Variants in GNS observed in about 807,000 individuals in gnomAD.
GNS encodes N-acetylglucosamine-6-sulfatase.
A neutral mutation model predicts 69.7 loss-of-function variants in GNS; 40 were observed. The observed-to-expected ratio is 0.57, with a 90% CI of 0.45 to 0.75. The LOEUF (loss-of-function observed/expected upper bound fraction) is 0.75. GNS is among the 30% of genes least tolerant of loss of function. The probability of loss-of-function intolerance (pLI) is 0.00; values close to 1 mark genes in which losing one functional copy is unlikely to be tolerated. For synonymous variants in GNS, 243 were observed against 251.6 expected (o/e 0.97, Z 0.32); for missense variants, 565 against 685.5 (o/e 0.82, Z 1.96).
At position 64,757,217 on chromosome 12, in the gene GNS, AACATACTAAAGAG is replaced by A. The variant is rs1202934742; in HGVS notation, c.192+1855_192+1867del. Among the ~76,000 whole-genome samples, 11 of 152,314 alleles carry A rather than the reference AACATACTAAAGAG, an allele frequency of 7.2e-5. No individual in the cohort carries two copies. In the South Asian group the frequency reaches 2.1e-3, roughly 29 times the overall value. On this transcript the variant is annotated intron_variant, in intron 1 of 13. Coordinates refer to ENST00000258145, the MANE Select transcript of GNS (RefSeq NM_002076.4). ...CTGGCTTAACGAAGCAAATTGGATTAACATACTAAAGAGACCTCAAATACACACAGACTACAGC... is the reference window on the plus strand; with the variant it reads ...CTGGCTTAACGAAGCAAATTGGATTAACCTCAAATACACACAGACTACAGC...
chr12:64,737,589 T>C (rs1264268251), intron 8 of GNS, among the ~76,000 whole-genome samples: 2 of 152,216 alleles, frequency 1.3e-5, no homozygotes, highest in Non-Finnish European at 2.9e-5. Flanking sequence ...AAAATCAATA[T>C]TTTGCAGTTT....
At chr12:64,758,976 G>T in intron 1 of GNS, 109 bp downstream of exon 1, 1 of 943,662 alleles carries the variant, frequency 1.1e-6, no homozygotes. Flanking sequence ...CCTACCCAAG[G>T]ATAAGACAGC....
intron 2 of GNS, among the ~76,000 whole-genome samples, chr12:64,749,145 T>C (rs531887117): frequency 6.6e-6 from 1 of 151,336 alleles, no homozygotes; most frequent in Non-Finnish European, 1.5e-5. Context: ...TTCACCGTGT[T>C]AGCCAGAATG....
At position 64,745,691 on chromosome 12, in the gene GNS, C is replaced by T. The variant is rs986213151; in HGVS notation, c.493G>A (p.Val165Ile). Residue 165 changes from valine to isoleucine, a missense_variant, in exon 4 of 14, where the codon GTT (valine) becomes ATT (isoleucine). Around this residue, in one of 2 missense-constraint regions of GNS, gnomAD observed 384 missense variants for 511.0 expected, o/e 0.75. Transcript: ENST00000258145. Reference protein sequence around the residue: ...GAPDAGGLEHVPLGWSYWYAL... With the variant: ...GAPDAGGLEHIPLGWSYWYAL... The stretch of plus-strand genomic sequence containing the variant: ...TACCAGTAACTCCAACCCAGAGGAA[C>T]GTGTTCTAGTCCACCTGCATCTGGG... 3 of 1,609,424 alleles carry T rather than the reference C, an allele frequency of 1.9e-6. No homozygotes were observed. The highest frequency in any genetic ancestry group is 2.2e-5 in the East Asian group (1 of 44,858).
At position 64,737,083 on chromosome 12, in the gene GNS, T is replaced by C; in HGVS notation, c.1019A>G (p.Lys340Arg). ...GATATCAAACTCATACAGCTGTCTCTTGTCTATTGGCAAGGAAAACTGTCC... is the reference window on the plus strand; with the variant it reads ...GATATCAAACTCATACAGCTGTCTCCTGTCTATTGGCAAGGAAAACTGTCC... ...HTGQFSLPID[K>R]RQLYEFDIKV... Residue 340 changes from lysine to arginine, a missense_variant, in exon 9 of 14, where the codon AAG becomes AGG. By Grantham distance (26) the Lys-to-Arg change is conservative. Coordinates refer to ENST00000258145, the MANE Select transcript of GNS (RefSeq NM_002076.4). 6.3e-7 allele frequency: 1 copy of C among 1,588,760 alleles called. No homozygotes were observed. Among genetic ancestry groups the C allele is most frequent in the Non-Finnish European group, 8.6e-7 (1 of 1,156,926 alleles).
intron 13 of GNS, among the ~76,000 whole-genome samples, chr12:64,719,059 A>G (rs1395317294): frequency 6.6e-6 from 1 of 152,240 alleles, no homozygotes; most frequent in East Asian, 1.9e-4. Flanking sequence ...ATATAAAATA[A>G]TAAATATTAT....
rs961321163 is a variant in GNS at position 64,733,297 on chromosome 12, C to CAAAAA, written c.1098+3702_1098+3706dup. Among the ~76,000 whole-genome samples, 35 of 26,638 alleles carry CAAAAA rather than the reference C, an allele frequency of 1.3e-3. 2 individuals carry two copies. The highest frequency in any genetic ancestry group is 4.5e-3 in the Admixed American group (8 of 1,790). The allele number at this position is 26,638 out of a possible 152,430, so 17.5% of individuals were successfully genotyped here. Reference sequence around the variant, plus strand: ...TAAGTTACAGAGCAAGACCCTGTCTCAAAAAAAAAAAAAAAAAAAAAAAAA... The same window carrying CAAAAA: ...TAAGTTACAGAGCAAGACCCTGTCTCAAAAAAAAAAAAAAAAAAAAAAAAAAAAAA... On this transcript the variant is annotated intron_variant, in intron 9 of 13. Coordinates refer to ENST00000258145, the MANE Select transcript of GNS (RefSeq NM_002076.4).
At chr12:64,727,142 C>T (rs1869227106) in intron 10 of GNS, among the ~76,000 whole-genome samples, 1 of 151,630 alleles carries the variant, frequency 6.6e-6, no homozygotes, top group South Asian at 2.1e-4. Context: ...GTAATCTCAG[C>T]ACTTTGGGAG....
intron 1 of GNS, among the ~76,000 whole-genome samples, chr12:64,757,222 A>T (rs533188383): frequency 2.0e-4 from 31 of 152,262 alleles, no homozygotes; most frequent in African/African-American, 7.2e-4. Context: ...GGATTAACAT[A>T]CTAAAGAGAC....
chr12:64,725,108 A>T (rs1243817394), intron 10 of GNS, among the ~76,000 whole-genome samples: 2 of 152,166 alleles, frequency 1.3e-5, no homozygotes, highest in African/African-American at 4.8e-5. Flanking sequence ...ATTAAATCAG[A>T]ATCTCTAGGG....
intron 9 of GNS, among the ~76,000 whole-genome samples, chr12:64,730,942 T>G (rs1202356251): frequency 2.0e-5 from 3 of 152,142 alleles, no homozygotes; most frequent in Non-Finnish European, 4.4e-5. Context: ...CAAGGCAGTT[T>G]TAAAAGAAAA....
At chr12:64,720,285 T>TA (rs59819055) in intron 12 of GNS, 103 bp from the exon 13 acceptor site, 13,507 of 658,020 alleles carry the variant, frequency 0.021, 2 homozygotes, top group East Asian at 0.029. Flanking sequence ...GGAGGTAGAT[T>TA]AAAAAAAAAA....
intron 9 of GNS, among the ~76,000 whole-genome samples, chr12:64,731,507 C>G (rs763776475): frequency 3.9e-5 from 6 of 152,228 alleles, no homozygotes; most frequent in Non-Finnish European, 7.3e-5. Flanking sequence ...CCCTAGAAAT[C>G]TATAATGATC....
In GNS at chr12:64,739,407, T is replaced by C. The variant is rs888774422; in HGVS notation, c.968A>G (p.Tyr323Cys). ...TGTGTGATAGCCATTGTCTGAGGTA[T>C]AGAAGATGTAAGTGTTGTTGAGCTC... ...TGELNNTYIFYTSDNGYHTGQ... is the reference protein window; with the variant it reads ...TGELNNTYIFCTSDNGYHTGQ... The change falls in exon 8 of 14, where the codon TAT (tyrosine) becomes TGT (cysteine). Residue 323 changes from tyrosine to cysteine, a missense_variant. Coordinates refer to ENST00000258145, the MANE Select transcript of GNS (RefSeq NM_002076.4). 21 of 1,570,938 alleles carry C rather than the reference T, an allele frequency of 1.3e-5. No individual in the cohort carries two copies. The highest frequency in any genetic ancestry group is 5.0e-5 in the Admixed American group (3 of 59,930).
intron 7 of GNS, among the ~76,000 whole-genome samples, chr12:64,739,787 G>A (rs1490855895): frequency 6.6e-6 from 1 of 152,200 alleles, no homozygotes; most frequent in South Asian, 2.1e-4. Flanking sequence ...AAATAAACTC[G>A]TTTTTAAATA....
chr12:64,748,203 G>GT lies in GNS; in HGVS notation c.253-286dup, dbSNP rs746264566. On this transcript the variant is annotated intron_variant, in intron 2 of 13. Coordinates refer to ENST00000258145, the MANE Select transcript of GNS (RefSeq NM_002076.4). ...AGTCTCATCTGCCGCAGAGATAGTT[G>GT]TTTTTTTTTTTCTTTTGAGGCGAGC... is the stretch of plus-strand genomic sequence containing the variant. Among the ~76,000 whole-genome samples the GT allele has an allele frequency of 3.6e-3, 487 of 135,244 alleles. 2 individuals carry two copies. The highest frequency in any genetic ancestry group is 0.019 in the South Asian group (90 of 4,626). The allele number at this position is 135,244 out of a possible 152,430, so 88.7% of individuals were successfully genotyped here.
intron 2 of GNS, among the ~76,000 whole-genome samples, chr12:64,750,799 G>A (rs980548690): frequency 1.3e-5 from 2 of 152,080 alleles, no homozygotes; most frequent in African/African-American, 4.8e-5. Flanking sequence ...CGAGTTACTT[G>A]GGAAGCTGAG....
Position 64,744,377 on chromosome 12 carries a change from T to A in GNS, c.624+432A>T, listed in dbSNP as rs187951970. 1.5e-3 allele frequency among the ~76,000 whole-genome samples: 231 copies of A among 152,334 alleles called. 1 individual carries two copies. The highest frequency in any genetic ancestry group is 3.1e-3 in the South Asian group (15 of 4,826). ...AGAATAGGAAAGTCCCAATTTCACC[T>A]GCTTTCAGTAATTTTTATATGTAAA... On this transcript the variant is annotated intron_variant, in intron 5 of 13. Coordinates refer to ENST00000258145, the MANE Select transcript of GNS (RefSeq NM_002076.4).
At chr12:64,747,031 T>C (rs897334664) in intron 3 of GNS, among the ~76,000 whole-genome samples, 1 of 152,218 alleles carries the variant, frequency 6.6e-6, no homozygotes, top group African/African-American at 2.4e-5. Context: ...GAACATACTA[T>C]TTCCTTTAAG....
Sources: allele counts gnomAD v4.1 joint callset (sites outside exome capture counted in the v4.1 genomes callset), GRCh38; gene constraint gnomAD v4.1.1; regional missense constraint gnomAD v4.1.1; transcripts MANE v1.5; gene names NCBI Gene and HGNC (gene_info 2026-07-23, HGNC 2026-07-21).